The following EXOC6B variants were observed in gnomAD, a reference collection of about 807,000 sequenced individuals.
EXOC6B encodes SEC15 homolog B.
EXOC6B carries 54 observed loss-of-function variants against 113.5 expected under a neutral mutation model. The ratio of observed to expected loss-of-function variants is 0.48; its 90% confidence interval spans 0.38 to 0.60. The LOEUF is 0.60. Ranked by LOEUF, EXOC6B falls within the 20% of genes least tolerant of loss-of-function variation. The pLI, the probability that EXOC6B is intolerant of heterozygous loss-of-function variation, is 0.00. For missense variants in EXOC6B, 797 were observed against 977.5 expected (o/e 0.82, Z 2.46); for synonymous variants, 357 against 339.0 (o/e 1.05, Z -0.58).
At chr2:72,583,067 G>T (rs1256605934) in intron 6 of EXOC6B, among the ~76,000 whole-genome samples, 1 of 152,236 alleles carries the variant, frequency 6.6e-6, no homozygotes, top group Non-Finnish European at 1.5e-5. Flanking sequence ...ACAACAGAAG[G>T]TTTTAGCAAC....
chr2:72,525,039 T>G (rs140453606), intron 8 of EXOC6B, among the ~76,000 whole-genome samples: 59 of 152,292 alleles, frequency 3.9e-4, no homozygotes, highest in African/African-American at 1.2e-3. Context: ...GTCTTGGCAT[T>G]TCCTCCTGCT....
intron 17 of EXOC6B, among the ~76,000 whole-genome samples, chr2:72,474,803 G>A (rs989587151): frequency 6.6e-6 from 1 of 152,014 alleles, no homozygotes; most frequent in Non-Finnish European, 1.5e-5. Context: ...TCCTTTGGAG[G>A]TGTCATATGT....
At chr2:72,809,004 G>A (rs1274409286) in intron 1 of EXOC6B, among the ~76,000 whole-genome samples, 10 of 152,174 alleles carry the variant, frequency 6.6e-5, no homozygotes, top group African/African-American at 1.9e-4. Flanking sequence ...GGTCAAGGAT[G>A]CAGTGAGCCA....
chr2:72,569,361 C>T (rs937665740), intron 7 of EXOC6B, among the ~76,000 whole-genome samples: 2 of 151,786 alleles, frequency 1.3e-5, no homozygotes, highest in African/African-American at 2.4e-5. Context: ...AGTGTGGCCC[C>T]GTCAGTCTGT....
intron 1 of EXOC6B, among the ~76,000 whole-genome samples, chr2:72,763,584 G>C (rs559258026): frequency 6.6e-6 from 1 of 151,146 alleles, no homozygotes; most frequent in South Asian, 2.1e-4. Context: ...CACCACACCC[G>C]GGTAATTTTT....
At chr2:72,794,581 A>G (rs1160400253) in intron 1 of EXOC6B, among the ~76,000 whole-genome samples, 1 of 152,242 alleles carries the variant, frequency 6.6e-6, no homozygotes, top group Non-Finnish European at 1.5e-5. Context: ...CTGATAGATT[A>G]TGATCAAACC....
chr2:72,244,709 A>G (rs1660071070), intron 20 of EXOC6B, among the ~76,000 whole-genome samples: 2 of 152,150 alleles, frequency 1.3e-5, no homozygotes, highest in African/African-American at 2.4e-5. Context: ...GAAATGAAAA[A>G]GGGGCTATCA....
intron 6 of EXOC6B, among the ~76,000 whole-genome samples, chr2:72,657,555 C>CTCTTT (rs1674676719): frequency 7.9e-6 from 1 of 125,854 alleles, no homozygotes; most frequent in Non-Finnish European, 1.6e-5. Flanking sequence ...TAGGTCTTTC[C>CTCTTT]TCTTTCCTTT....
At position 72,673,308 on chromosome 2, in the gene EXOC6B, A is replaced by G. The variant is rs541103211; in HGVS notation, c.669+44795T>C. ...TCAGTAATTCAGATTCAACTGGTCT[A>G]GAGGGTAGGGTATTGGTATTTACTG... On this transcript the variant is annotated intron_variant, in intron 6 of 21. Transcript: ENST00000272427. 2.2e-4 allele frequency among the ~76,000 whole-genome samples: 33 copies of G among 152,316 alleles called. 1 individual carries two copies. Among genetic ancestry groups the G allele is most frequent in the Admixed American group, 1.2e-3 (18 of 15,300 alleles).
At chr2:72,653,962 T>TTTTA (rs1326710960) in intron 6 of EXOC6B, among the ~76,000 whole-genome samples, 3 of 98,368 alleles carry the variant, frequency 3.0e-5, no homozygotes, top group Admixed American at 1.4e-4. Flanking sequence ...ATGTCATGAA[T>TTTTA]TTTATTTATT....
rs965831426 is a variant in EXOC6B at position 72,681,991 on chromosome 2, A to G, written c.669+36112T>C. Among the ~76,000 whole-genome samples, 8 of 113,372 alleles carry G rather than the reference A, an allele frequency of 7.1e-5. 1 individual carries two copies. Among genetic ancestry groups the G allele is most frequent in the African/African-American group, 2.7e-4 (8 of 29,738 alleles). The allele number at this position is 113,372 out of a possible 152,430, so 74.4% of individuals were successfully genotyped here. A position where few individuals can be genotyped will look rare whatever the true frequency, so the allele number is the denominator to read the frequency against. On this transcript the variant is annotated intron_variant, in intron 6 of 21. Coordinates refer to ENST00000272427, the MANE Select transcript of EXOC6B (RefSeq NM_015189.3). ...TTAGTTCATAAAGTTATTTCTAACCAGAATCTCTTAAAAAAAAAAAAAAAG... is the reference window on the plus strand; with the variant it reads ...TTAGTTCATAAAGTTATTTCTAACCGGAATCTCTTAAAAAAAAAAAAAAAG...
chr2:72,502,545 A>G (rs1211047238), intron 11 of EXOC6B, among the ~76,000 whole-genome samples: 1 of 152,156 alleles, frequency 6.6e-6, no homozygotes, highest in Non-Finnish European at 1.5e-5. Context: ...GAGACTATAT[A>G]TCAAAAATAT....
chr2:72,548,702 G>C (rs1333063208), intron 8 of EXOC6B, among the ~76,000 whole-genome samples: 1 of 152,130 alleles, frequency 6.6e-6, no homozygotes, highest in Non-Finnish European at 1.5e-5. Flanking sequence ...AATACTAAGT[G>C]CTAAGTACTG....
intron 20 of EXOC6B, among the ~76,000 whole-genome samples, chr2:72,220,317 C>T (rs1427004884): frequency 6.6e-6 from 1 of 152,090 alleles, no homozygotes; most frequent in African/African-American, 2.4e-5. Context: ...GCCCCTCCCC[C>T]AGTTGAGCCC....
At position 72,513,182 on chromosome 2, in the gene EXOC6B, G is replaced by T. The variant is rs1399714807; in HGVS notation, c.1117C>A (p.Leu373Met). The change falls in exon 11 of 22, where the codon CTG becomes ATG. Residue 373 changes from leucine to methionine, a missense_variant. Leu to Met is a conservative substitution (Grantham distance 15). Coordinates refer to ENST00000272427, the MANE Select transcript of EXOC6B (RefSeq NM_015189.3). ...GTTTTTGAAAGTGCCATTTCCCACA[G>T]TTCATCAATGTAGGCTCTATTTACT... is the stretch of plus-strand genomic sequence containing the variant. Reference protein sequence around the residue: ...GLVNRAYIDELWEMALSKTIA... With the variant: ...GLVNRAYIDEMWEMALSKTIA... 1 of 1,613,226 alleles carries T rather than the reference G, an allele frequency of 6.2e-7. No individual in the cohort carries two copies. Among genetic ancestry groups the T allele is most frequent in the African/African-American group, 1.3e-5 (1 of 74,880 alleles).
At chr2:72,262,257 G>A (rs1440538265) in intron 20 of EXOC6B, among the ~76,000 whole-genome samples, 6 of 151,772 alleles carry the variant, frequency 4.0e-5, no homozygotes, top group South Asian at 4.2e-4. Context: ...AAAACAAGAT[G>A]TATCTCAGGT....
chr2:72,439,111 A>G (rs1268111328), intron 18 of EXOC6B, among the ~76,000 whole-genome samples: 2 of 152,354 alleles, frequency 1.3e-5, no homozygotes, highest in Admixed American at 6.5e-5. Flanking sequence ...GAATAAAACA[A>G]TTCTGCCAAT....
intron 1 of EXOC6B, among the ~76,000 whole-genome samples, chr2:72,745,326 T>C (rs1467203513): frequency 1.3e-5 from 2 of 152,092 alleles, no homozygotes; most frequent in Admixed American, 1.3e-4. Context: ...ATAAAGTTTC[T>C]ACCTGCTTAT....
intron 6 of EXOC6B, among the ~76,000 whole-genome samples, chr2:72,674,788 G>A (rs1195472945): frequency 1.3e-5 from 2 of 151,234 alleles, no homozygotes; most frequent in African/African-American, 4.9e-5. Context: ...GACAGTGTGA[G>A]ACTCCATCTC....
Sources: gnomAD v4.1 joint callset for allele counts (sites outside exome capture counted in the v4.1 genomes callset) on GRCh38, gnomAD v4.1.1 for gene constraint, MANE v1.5 for transcripts, NCBI Gene and HGNC (gene_info 2026-07-23, HGNC 2026-07-21) for gene names.